Variants in CTNNA2 observed in about 807,000 individuals in gnomAD.
CTNNA2 encodes the protein catenin alpha 2.
Under a neutral mutation model 101.0 loss-of-function variants are expected in CTNNA2, and 42 were observed. The ratio of observed to expected loss-of-function variants is 0.42; its 90% CI spans 0.32 to 0.54. CTNNA2 has a LOEUF of 0.54. Among genes scored for constraint, CTNNA2 ranks in the 20% least tolerant of loss-of-function variants. The probability of loss-of-function intolerance (pLI) is 0.14; values close to 1 mark genes in which losing one functional copy is unlikely to be tolerated. For missense variants in CTNNA2, 871 were observed against 1,223.1 expected, an observed-to-expected ratio of 0.71 and a Z score of 4.29; for synonymous variants, 450 against 456.4, an observed-to-expected ratio of 0.99 and a Z score of 0.18.
intron 1 of CTNNA2, among the ~76,000 whole-genome samples, chr2:79,192,224 G>T (rs777723442): frequency 2.6e-5 from 4 of 152,090 alleles, no homozygotes; most frequent in Non-Finnish European, 5.9e-5. Context: ...TTTCTCTGGG[G>T]TCTCCTTGGC....
intron 9 of CTNNA2, among the ~76,000 whole-genome samples, chr2:80,497,125 G>T (rs2149526743): frequency 6.6e-6 from 1 of 152,288 alleles, no homozygotes; most frequent in Middle Eastern, 3.4e-3. Flanking sequence ...GCATGTGCTT[G>T]AGTTTGATTC....
chr2:80,221,550 T>C (rs1449850632), intron 7 of CTNNA2, among the ~76,000 whole-genome samples: 1 of 152,200 alleles, frequency 6.6e-6, no homozygotes, highest in Non-Finnish European at 1.5e-5. Flanking sequence ...TACTAGAAAA[T>C]GCAGACTGAG....
intron 9 of CTNNA2, among the ~76,000 whole-genome samples, chr2:80,523,028 A>G (rs1453381146): frequency 1.3e-5 from 2 of 152,134 alleles, no homozygotes; most frequent in East Asian, 1.9e-4. Context: ...AAATTACATA[A>G]AGGTAAGAGT....
At chr2:79,958,371 A>G (rs1689389783) in intron 7 of CTNNA2, among the ~76,000 whole-genome samples, 1 of 152,156 alleles carries the variant, frequency 6.6e-6, no homozygotes, top group Admixed American at 6.5e-5. Context: ...TTAGTTAAGG[A>G]TCTGGAGATG....
chr2:79,478,802 C>G lies in CTNNA2; in HGVS notation c.-134-26252C>G, dbSNP rs528831861. On this transcript the variant is annotated intron_variant, in intron 4 of 21. Coordinates refer to the CTNNA2 transcript ENST00000466387. The stretch of plus-strand genomic sequence containing the variant: ...TCAACATCTCCCTTACGATGCTTGC[C>G]TGAGCATGTAGTATAATACCCAACT... 2.4e-4 allele frequency among the ~76,000 whole-genome samples: 36 copies of G among 152,276 alleles called. No homozygotes were observed. The South Asian group carries it at 6.8e-3, about 29-fold the overall frequency.
At chr2:80,425,547 T>A (rs1216209927) in intron 9 of CTNNA2, among the ~76,000 whole-genome samples, 1 of 151,754 alleles carries the variant, frequency 6.6e-6, no homozygotes, top group African/African-American at 2.4e-5. Flanking sequence ...TGATCTCTGT[T>A]TGAAAACCTC....
At chr2:79,811,342 G>A (rs1558949809) in intron 3 of CTNNA2, among the ~76,000 whole-genome samples, 1 of 152,150 alleles carries the variant, frequency 6.6e-6, no homozygotes, top group Non-Finnish European at 1.5e-5. Context: ...AGGAGTGTCT[G>A]TTGATATGCT....
chr2:80,428,359 G>A (rs1237704929), intron 9 of CTNNA2, among the ~76,000 whole-genome samples: 2 of 152,202 alleles, frequency 1.3e-5, no homozygotes, highest in African/African-American at 2.4e-5. Context: ...GTAATAAAAA[G>A]CAAAGAAAGA....
Position 79,792,878 on chromosome 2 carries a change from T to C in CTNNA2, c.298+48296T>C, listed in dbSNP as rs546207443. Among the ~76,000 whole-genome samples, 11 of 152,364 alleles carry C rather than the reference T, an allele frequency of 7.2e-5. No individual in the cohort carries two copies. In the South Asian group the frequency reaches 2.3e-3, roughly 32 times the overall value. On this transcript the variant is annotated intron_variant, in intron 3 of 18. Transcript: ENST00000402739. The stretch of plus-strand genomic sequence containing the variant: ...CGTATATATGCAAAATATTTATTTC[T>C]ATAATACCTATACTAAACAATGCCT...
At position 80,596,167 on chromosome 2, in the gene CTNNA2, C is replaced by T. The variant is rs141513426; in HGVS notation, c.2189+6682C>T. Among the ~76,000 whole-genome samples the T allele has an allele frequency of 5.2e-3, 778 of 148,378 alleles. 6 individuals are homozygous for T. The highest frequency in any genetic ancestry group is 0.015 in the Middle Eastern group (4 of 268). On this transcript the variant is annotated intron_variant, in intron 15 of 18. Transcript: ENST00000402739. ...ACTCATGATTTGGCTCTCTGCTTGT[C>T]TATTGTTGATGTGTAGGAATGCCTG...
chr2:80,039,523 G>T (rs1200322495), intron 7 of CTNNA2, among the ~76,000 whole-genome samples: 5 of 152,184 alleles, frequency 3.3e-5, no homozygotes, highest in Non-Finnish European at 7.3e-5. Flanking sequence ...AGACATGGGG[G>T]TAAAGGCTTT....
intron 4 of CTNNA2, among the ~76,000 whole-genome samples, chr2:79,399,201 G>A (rs1391564793): frequency 6.6e-6 from 1 of 152,126 alleles, no homozygotes; most frequent in Admixed American, 6.6e-5. Context: ...AGCATTGCCA[G>A]TTGAGGATAA....
chr2:80,433,782 C>T (rs567172692), intron 9 of CTNNA2, among the ~76,000 whole-genome samples: 14 of 152,246 alleles, frequency 9.2e-5, no homozygotes, highest in South Asian at 2.1e-4. Flanking sequence ...ACCTTTCAAA[C>T]GGTTATTCTA....
intron 4 of CTNNA2, among the ~76,000 whole-genome samples, chr2:79,492,419 T>C (rs1409688600): frequency 6.6e-6 from 1 of 151,934 alleles, no homozygotes; most frequent in Admixed American, 6.6e-5. Flanking sequence ...ATGAAATTTA[T>C]GGAGAAAATC....
chr2:80,598,489 A>G (rs1301405041), intron 15 of CTNNA2, among the ~76,000 whole-genome samples: 2 of 152,170 alleles, frequency 1.3e-5, no homozygotes, highest in South Asian at 2.1e-4. Flanking sequence ...TCAAAAAACT[A>G]AAAAGGGATT....
At chr2:79,732,320 A>C (rs530680509) in intron 2 of CTNNA2, among the ~76,000 whole-genome samples, 2 of 152,196 alleles carry the variant, frequency 1.3e-5, no homozygotes, top group African/African-American at 4.8e-5. Flanking sequence ...GTATAAGAAC[A>C]AGGACTTGAC....
intron 7 of CTNNA2, among the ~76,000 whole-genome samples, chr2:80,012,002 G>A (rs79145114): frequency 0.016 from 2,471 of 152,208 alleles, 78 homozygotes; most frequent in African/African-American, 0.056. Flanking sequence ...TTACTGGGGC[G>A]ATAACTTGAA....
chr2:80,633,436 AC>A (rs1469793131), intron 18 of CTNNA2, among the ~76,000 whole-genome samples: 1 of 152,160 alleles, frequency 6.6e-6, no homozygotes, highest in East Asian at 1.9e-4. Flanking sequence ...AGTTTGTACA[AC>A]TTTTCTCCCC....
At chr2:79,400,278 G>C (rs1678275790) in intron 4 of CTNNA2, among the ~76,000 whole-genome samples, 2 of 151,940 alleles carry the variant, frequency 1.3e-5, no homozygotes, top group Non-Finnish European at 2.9e-5. Context: ...CCTTGTGAGG[G>C]AGGTATGTAG....
Sources: allele counts gnomAD v4.1 joint callset (sites outside exome capture counted in the v4.1 genomes callset), GRCh38; gene constraint gnomAD v4.1.1; transcripts MANE v1.5; gene names NCBI Gene and HGNC (gene_info 2026-07-23, HGNC 2026-07-21).